GTPBP2: variants seen among roughly 807,000 people sequenced by gnomAD.
GTPBP2 encodes GTP binding protein 2, also known as GTP-binding protein 2.
A neutral mutation model predicts 63.0 loss-of-function variants in GTPBP2; 32 were observed. That is an observed-to-expected ratio of 0.51 (90% CI 0.38 to 0.68). The LOEUF (loss-of-function observed/expected upper bound fraction) is 0.68. GTPBP2 is among the 30% of genes least tolerant of loss of function. GTPBP2 has a pLI of 0.00. For missense variants in GTPBP2, 492 were observed against 796.9 expected (o/e 0.62, Z 4.61); for synonymous variants, 310 against 322.6 (o/e 0.96, Z 0.42).
chr6:43,625,083 C>T lies in GTPBP2; in HGVS notation c.706-21G>A, dbSNP rs1267993755. 1.9e-6 allele frequency: 3 copies of T among 1,610,568 alleles called. No individual in the cohort carries two copies. The highest frequency in any genetic ancestry group is 2.5e-6 in the Non-Finnish European group (3 of 1,178,300). On this transcript the variant is annotated intron_variant, in intron 5 of 11. Coordinates refer to ENST00000307126, the MANE Select transcript of GTPBP2 (RefSeq NM_019096.5). This position sits in a 1 kb window ranked among gnomAD's most constrained non-coding sequence, Gnocchi z 5.1. Reference sequence around the variant, plus strand: ...ACCACCTGGCCCAGGGCCCAGGGCCCTCAGTGCCTCCTGCCAGCCCTTCCA... The same window carrying T: ...ACCACCTGGCCCAGGGCCCAGGGCCTTCAGTGCCTCCTGCCAGCCCTTCCA...
rs1253571138 is a variant in GTPBP2, at chr6:43,621,384, A to C, written c.*230T>G. 6.6e-7 allele frequency: 1 copy of C among 1,511,020 alleles called. No homozygotes were observed. Among genetic ancestry groups the C allele is most frequent in the Admixed American group, 2.0e-5 (1 of 49,700 alleles). 93.6% of individuals were successfully genotyped at this position (1,511,020 alleles called of 1,614,324 possible). On this transcript the variant is annotated 3_prime_UTR_variant, in exon 12 of 12. Coordinates refer to ENST00000307126, the MANE Select transcript of GTPBP2 (RefSeq NM_019096.5). ...GGTTTGATGAGCCAACCAGGTGAGCACACAGCTTCGGAGCACTGCCCTGAA... is the reference window on the plus strand; with the variant it reads ...GGTTTGATGAGCCAACCAGGTGAGCCCACAGCTTCGGAGCACTGCCCTGAA...
rs1769161791 is a variant in GTPBP2, at chr6:43,624,794, G to T, written c.881-65C>A. ...AGAATGCAGGAGGGAGGAGAGGGAA[G>T]AAGAGGAGCATTGGTCTGTCTCCAA... On this transcript the variant is annotated intron_variant, in intron 6 of 11. Coordinates refer to ENST00000307126, the MANE Select transcript of GTPBP2 (RefSeq NM_019096.5). The surrounding 1 kb of genome is among the most constrained non-coding windows in gnomAD (Gnocchi z 5.1). The T allele has an allele frequency of 1.2e-5, 19 of 1,584,626 alleles. No individual in the cohort carries two copies. In the East Asian group the frequency reaches 4.2e-4, roughly 35 times the overall value.
intron 1 of GTPBP2, chr6:43,627,258 C>T (rs1271463717): frequency 1.8e-6 from 2 of 1,139,290 alleles, no homozygotes; most frequent in Non-Finnish European, 2.2e-6. Flanking sequence ...TCCCTTCCTC[C>T]CCACCTCCAG....
chr6:43,627,288 C>G (rs1769446631), intron 1 of GTPBP2: 2 of 1,100,518 alleles, frequency 1.8e-6, no homozygotes, highest in Middle Eastern at 7.9e-4. Flanking sequence ...CCTGCTTTTC[C>G]CAGAAGTCTA....
At position 43,629,174 on chromosome 6, in the gene GTPBP2, G is replaced by A. The variant is rs1372887250; in HGVS notation, c.-12C>T. The A allele has an allele frequency of 4.4e-6, 6 of 1,364,054 alleles. No homozygotes were observed. Among genetic ancestry groups the A allele is most frequent in the South Asian group, 1.6e-5 (1 of 62,146 alleles). 84.5% of individuals were successfully genotyped at this position (1,364,054 alleles called of 1,614,324 possible). A position where few individuals can be genotyped will look rare whatever the true frequency, so the allele number is the denominator to read the frequency against. ...ACCCGCGAGTCCATCCGCCGCTGCCGCCAGCCCCCCGCCCGGCCCCTCCCC... is the reference window on the plus strand; with the variant it reads ...ACCCGCGAGTCCATCCGCCGCTGCCACCAGCCCCCCGCCCGGCCCCTCCCC... On this transcript the variant is annotated 5_prime_UTR_variant, in exon 1 of 12. Coordinates refer to ENST00000307126, the MANE Select transcript of GTPBP2 (RefSeq NM_019096.5).
chr6:43,625,821 A>C lies in GTPBP2; in HGVS notation c.442T>G (p.Tyr148Asp), dbSNP rs1185384542. The C allele has an allele frequency of 6.2e-7, 1 of 1,613,954 alleles. No individual in the cohort carries two copies. The highest frequency in any genetic ancestry group is 8.5e-7 in the Non-Finnish European group (1 of 1,180,014). The change falls in exon 4 of 12, where the codon TAT (tyrosine) becomes GAT (aspartate). Residue 148 changes from tyrosine to aspartate, a missense_variant. Coordinates refer to ENST00000307126, the MANE Select transcript of GTPBP2 (RefSeq NM_019096.5). This position sits in a 1 kb window ranked among gnomAD's most constrained non-coding sequence, Gnocchi z 5.1. ...ITVLREREVDYDSDMPRKITE... is the reference protein window; with the variant it reads ...ITVLREREVDDDSDMPRKITE... The stretch of plus-strand genomic sequence containing the variant: ...ATCTTCCGGGGCATGTCGCTATCAT[A>C]ATCCACTTCTCGCTCTCGAAGAACG...
Position 43,621,208 on chromosome 6 carries a change from A to G in GTPBP2, c.*406T>C. The G allele has an allele frequency of 8.3e-6, 3 of 363,220 alleles. No individual in the cohort carries two copies. The highest frequency in any genetic ancestry group is 1.6e-5 in the Non-Finnish European group (3 of 183,078). The allele number at this position is 363,220 out of a possible 1,614,324, so 22.5% of individuals were successfully genotyped here. A position where few individuals can be genotyped will look rare whatever the true frequency, so the allele number is the denominator to read the frequency against. On this transcript the variant is annotated 3_prime_UTR_variant, in exon 12 of 12. Coordinates refer to ENST00000307126, the MANE Select transcript of GTPBP2 (RefSeq NM_019096.5). ...TACATGGCCTTGAGAAGAGGTATAG[A>G]AAAAGGAGTGCTTTTGAGGGCTACC...
At chr6:43,629,274 C>T (rs1769737854), upstream of GTPBP2, 1 of 800,740 alleles carries the variant, frequency 1.2e-6, no homozygotes. Context: ...TGGGGTGGGG[C>T]TCTGCACAAG....
At chr6:43,629,850 C>G (rs1483470886), upstream of GTPBP2, 1 of 1,475,704 alleles carries the variant, frequency 6.8e-7, no homozygotes, top group Non-Finnish European at 9.1e-7. Context: ...GATTATGCTA[C>G]CTTTACATAG....
At chr6:43,629,831 T>A, upstream of GTPBP2, 1 of 1,528,768 alleles carries the variant, frequency 6.5e-7, no homozygotes, top group South Asian at 1.2e-5. Context: ...CGGCTGTTAT[T>A]GTTGGGATGA....
Position 43,626,163 on chromosome 6 carries a change from C to A in GTPBP2, c.398+63G>T, listed in dbSNP as rs57857420. ...CCTTGGCCCCTCAGGCCCTAGGTAA[C>A]TGGGTATGCATGGGTCCCCCCAAGT... On this transcript the variant is annotated intron_variant, in intron 3 of 11. Transcript: ENST00000307126. This position sits in a 1 kb window ranked among gnomAD's most constrained non-coding sequence, Gnocchi z 4.0. The A allele has an allele frequency of 7.0e-3, 10,338 of 1,475,472 alleles. 503 individuals are homozygous for A. In the African/African-American group the frequency reaches 0.11, roughly 16 times the overall value. 91.4% of individuals were successfully genotyped at this position (1,475,472 alleles called of 1,614,324 possible). A position where few individuals can be genotyped will look rare whatever the true frequency, so the allele number is the denominator to read the frequency against.
rs756649299 is a variant in GTPBP2, at chr6:43,621,639, TCTC to T, written c.1781_1783del (p.Gly594del). The T allele has an allele frequency of 5.0e-6, 8 of 1,614,244 alleles. No homozygotes were observed. Among genetic ancestry groups the T allele is most frequent in the South Asian group, 4.4e-5 (4 of 91,088 alleles). ...TCAGAAGCCCATGTTGGCCTGGGCT[TCTC>T]CTGCTGTAATGGCTTGTACATCAGT... is the stretch of plus-strand genomic sequence containing the variant. On this transcript the variant is annotated inframe_deletion, in exon 12 of 12. Transcript: ENST00000307126.
In GTPBP2 at chr6:43,626,256, G is replaced by A. The variant is rs1373029450; in HGVS notation, c.368C>T (p.Ser123Leu). 7 of 1,614,062 alleles carry A rather than the reference G, an allele frequency of 4.3e-6. No homozygotes were observed. The highest frequency in any genetic ancestry group is 3.3e-5 in the Admixed American group (2 of 60,004). Residue 123 changes from serine to leucine, a missense_variant, in exon 3 of 12, where the codon TCG (serine) becomes TTG (leucine). By Grantham distance (145) the Ser-to-Leu change is moderately radical. Around this residue, in one of 2 missense-constraint regions of GTPBP2, gnomAD observed 400 missense variants for 710.8 expected, o/e 0.56. Transcript: ENST00000307126. This position sits in a 1 kb window ranked among gnomAD's most constrained non-coding sequence, Gnocchi z 4.0. ...VGLAEEEMRA[S>L]LKTLHRMAEK... is the part of the protein sequence containing the mutation. ...TGCCATCCGGTGCAGGGTCTTGAGC[G>A]AAGCTCGCATTTCCTCCTCAGCCAG...
chr6:43,626,425 G>T lies in GTPBP2; in HGVS notation c.214-15C>A. The T allele has an allele frequency of 1.2e-6, 2 of 1,609,330 alleles. No individual in the cohort carries two copies. The highest frequency in any genetic ancestry group is 2.2e-5 in the East Asian group (1 of 44,842). On this transcript the variant is annotated splice_polypyrimidine_tract_variant and intron_variant, in intron 2 of 11. Transcript: ENST00000307126. This position sits in a 1 kb window ranked among gnomAD's most constrained non-coding sequence, Gnocchi z 4.0. Reference sequence around the variant, plus strand: ...ACCAGCTTCAACTTAGGGCAAGTGGGGTATCATAAGGTGAAATCAGAGGTG... The same window carrying T: ...ACCAGCTTCAACTTAGGGCAAGTGGTGTATCATAAGGTGAAATCAGAGGTG...
In GTPBP2 at chr6:43,626,995, C is replaced by T. The variant is rs749932981; in HGVS notation, c.187-47G>A. On this transcript the variant is annotated intron_variant, in intron 1 of 11. Transcript: ENST00000307126. This position sits in a 1 kb window ranked among gnomAD's most constrained non-coding sequence, Gnocchi z 4.0. ...TTACCATACACTGTACAGACCCAAT[C>T]CCTACTTCCCCTCAATTCCCACTGG... 1.3e-6 allele frequency: 2 copies of T among 1,508,240 alleles called. No individual in the cohort carries two copies. The highest frequency in any genetic ancestry group is 2.3e-5 in the East Asian group (1 of 43,780). 93.4% of individuals were successfully genotyped at this position (1,508,240 alleles called of 1,614,324 possible).
At position 43,626,012 on chromosome 6, in the gene GTPBP2, C is replaced by G; in HGVS notation, c.399-148G>C. The G allele has an allele frequency of 1.4e-6, 1 of 737,216 alleles. No homozygotes were observed. 45.7% of individuals were successfully genotyped at this position (737,216 alleles called of 1,614,324 possible). On this transcript the variant is annotated intron_variant, in intron 3 of 11. Transcript: ENST00000307126. This position sits in a 1 kb window ranked among gnomAD's most constrained non-coding sequence, Gnocchi z 4.0. ...CACCCTCCAATCTATTCCTCATTCA[C>G]AGTTCCCTTTAAAACAAATATACAT...
chr6:43,621,107 ACT>A lies in GTPBP2; in HGVS notation c.*505_*506del, dbSNP rs1561921165. 4.9e-5 allele frequency: 15 copies of A among 309,128 alleles called. No individual in the cohort carries two copies. Among genetic ancestry groups the A allele is most frequent in the South Asian group, 4.3e-4 (15 of 34,780 alleles). 19.1% of individuals were successfully genotyped at this position (309,128 alleles called of 1,614,324 possible). On this transcript the variant is annotated 3_prime_UTR_variant, in exon 12 of 12. Transcript: ENST00000307126. ...CACTGTCCCTGTGCCATTTCTTCAGACTCTGGGCCGCCACCACCACCAGATGG... is the reference window on the plus strand; with the variant it reads ...CACTGTCCCTGTGCCATTTCTTCAGACTGGGCCGCCACCACCACCAGATGG...
chr6:43,626,833 AAAAAAAAG>A lies in GTPBP2; in HGVS notation c.213+81_213+88del. The A allele has an allele frequency of 9.0e-7, 1 of 1,115,746 alleles. No individual in the cohort carries two copies. Among genetic ancestry groups the A allele is most frequent in the Non-Finnish European group, 1.3e-6 (1 of 763,854 alleles). 69.1% of individuals were successfully genotyped at this position (1,115,746 alleles called of 1,614,324 possible). A position where few individuals can be genotyped will look rare whatever the true frequency, so the allele number is the denominator to read the frequency against. ...ACAAGAGCAAAACTTCATCTCAAAA[AAAAAAAAG>A]AAAGAAAGAAAAAAGAAATTATCCC... On this transcript the variant is annotated intron_variant, in intron 2 of 11. Coordinates refer to ENST00000307126, the MANE Select transcript of GTPBP2 (RefSeq NM_019096.5). This position sits in a 1 kb window ranked among gnomAD's most constrained non-coding sequence, Gnocchi z 4.0.
chr6:43,627,307 C>T (rs2127845842), intron 1 of GTPBP2: 1 of 1,067,248 alleles, frequency 9.4e-7, no homozygotes, highest in African/African-American at 1.7e-5. Context: ...TATGTCTCCT[C>T]TGTGCCCAGG....
Sources: gnomAD v4.1 joint callset for allele counts on GRCh38, gnomAD v4.1.1 for gene constraint, gnomAD v4.1.1 regional missense constraint, Gnocchi (gnomAD v3.1) non-coding constraint, MANE v1.5 for transcripts, NCBI Gene and HGNC (gene_info 2026-07-23, HGNC 2026-07-21) for gene names.